The following GSTCD variants were observed in gnomAD, a reference collection of about 807,000 sequenced individuals.
GSTCD encodes glutathione S-transferase C-terminal domain containing, also known as glutathione S-transferase C-terminal domain-containing protein.
A neutral mutation model predicts 68.3 loss-of-function variants in GSTCD; 44 were observed. The ratio of observed to expected loss-of-function variants is 0.64; its 90% CI spans 0.51 to 0.83. The LOEUF (loss-of-function observed/expected upper bound fraction) is 0.83, where lower values mean the gene tolerates loss of function less well. Ranked by LOEUF, GSTCD falls within the 40% of genes least tolerant of loss-of-function variation. The pLI is 0.00. For synonymous variants in GSTCD, 273 were observed against 255.2 expected (o/e 1.07, Z -0.67); for missense variants, 739 against 735.9 (o/e 1.00, Z -0.05).
At chr4:105,804,992 C>T (rs1443859162) in intron 5 of GSTCD, among the ~76,000 whole-genome samples, 1 of 151,990 alleles carries the variant, frequency 6.6e-6, no homozygotes, top group Non-Finnish European at 1.5e-5. Flanking sequence ...TTTATGGCTG[C>T]ATAGTAAAAT....
At chr4:105,766,236 C>CA (rs1344607028) in intron 5 of GSTCD, among the ~76,000 whole-genome samples, 1 of 152,136 alleles carries the variant, frequency 6.6e-6, no homozygotes, top group Non-Finnish European at 1.5e-5. Flanking sequence ...GAGCTGAGGT[C>CA]ATGTGGCAAA....
intron 5 of GSTCD, among the ~76,000 whole-genome samples, chr4:105,793,760 A>C (rs931484980): frequency 1.3e-5 from 2 of 152,010 alleles, no homozygotes; most frequent in African/African-American, 4.8e-5. Flanking sequence ...CCAGTAAAAA[A>C]AATTAATGAA....
chr4:105,718,280 G>A (rs1205805244), intron 2 of GSTCD, among the ~76,000 whole-genome samples: 2 of 152,164 alleles, frequency 1.3e-5, no homozygotes, highest in South Asian at 2.1e-4. Context: ...TGTTTGGGTC[G>A]TGGGGGCAGA....
At chr4:105,775,240 T>C (rs1395798345) in intron 5 of GSTCD, among the ~76,000 whole-genome samples, 1 of 152,218 alleles carries the variant, frequency 6.6e-6, no homozygotes, top group Non-Finnish European at 1.5e-5. Flanking sequence ...GGTTATTCTA[T>C]TAGCAATTCC....
intron 9 of GSTCD, among the ~76,000 whole-genome samples, chr4:105,837,403 T>C (rs891896066): frequency 6.6e-5 from 10 of 152,178 alleles, no homozygotes; most frequent in Admixed American, 2.0e-4. Flanking sequence ...CACCTTTTTC[T>C]TCCCATGGAA....
intron 9 of GSTCD, among the ~76,000 whole-genome samples, chr4:105,836,637 G>T (rs1032092354): frequency 7.9e-5 from 12 of 152,254 alleles, no homozygotes; most frequent in African/African-American, 2.4e-4. Context: ...TGAGGCGGGG[G>T]TGGGGGCTGG....
intron 5 of GSTCD, among the ~76,000 whole-genome samples, chr4:105,760,175 A>G (rs1293562022): frequency 6.6e-6 from 1 of 151,808 alleles, no homozygotes; most frequent in Non-Finnish European, 1.5e-5. Flanking sequence ...GGCAAAAAAA[A>G]AAAAAAAAAA....
intron 5 of GSTCD, among the ~76,000 whole-genome samples, chr4:105,813,189 A>G (rs10516527): frequency 0.054 from 8,188 of 152,104 alleles, 251 homozygotes; most frequent in Middle Eastern, 0.14. Flanking sequence ...GAGCTGTTAC[A>G]AAAAAGGATT....
At chr4:105,826,545 G>T (rs1054279810) in intron 8 of GSTCD, among the ~76,000 whole-genome samples, 3 of 151,850 alleles carry the variant, frequency 2.0e-5, no homozygotes, top group African/African-American at 7.3e-5. Context: ...CTACTATCAA[G>T]TGATAAATAC....
chr4:105,761,973 C>T (rs954015402), intron 5 of GSTCD: 1 of 152,204 alleles, frequency 6.6e-6, no homozygotes, highest in African/African-American at 2.4e-5. Context: ...GGTCTCCCCA[C>T]CTCAACTCTC....
intron 5 of GSTCD, among the ~76,000 whole-genome samples, chr4:105,797,046 A>AGTG (rs1735916430): frequency 6.9e-6 from 1 of 145,518 alleles, no homozygotes; most frequent in African/African-American, 2.5e-5. Context: ...ACAGAGATAC[A>AGTG]TGTGTGTGTG....
At chr4:105,814,616 TAAATAAATAAAAATAA>T (rs1722897677) in intron 5 of GSTCD, among the ~76,000 whole-genome samples, 1 of 151,644 alleles carries the variant, frequency 6.6e-6, no homozygotes, top group Non-Finnish European at 1.5e-5. Context: ...TCAAAAAAAA[TAAATAAATAAAAATAA>T]AAATAAATTA....
At chr4:105,776,259 C>G (rs1333949625) in intron 5 of GSTCD, among the ~76,000 whole-genome samples, 1 of 152,206 alleles carries the variant, frequency 6.6e-6, no homozygotes, top group East Asian at 1.9e-4. Context: ...GTCAGTGGAT[C>G]TTAGCTTGCT....
intron 5 of GSTCD, among the ~76,000 whole-genome samples, chr4:105,740,005 A>T (rs1733581935): frequency 6.6e-6 from 1 of 152,134 alleles, no homozygotes; most frequent in African/African-American, 2.4e-5. Context: ...AGGTGGTCAC[A>T]GGTAGGCTTG....
At chr4:105,728,406 T>C (rs1249788941) in intron 4 of GSTCD, among the ~76,000 whole-genome samples, 1 of 152,126 alleles carries the variant, frequency 6.6e-6, no homozygotes, top group African/African-American at 2.4e-5. Flanking sequence ...CTGAAGAAGA[T>C]AGAAGAGAGG....
chr4:105,845,490 A>G lies in GSTCD; in HGVS notation c.1815A>G (p.Glu605=), dbSNP rs770382773. The G allele has an allele frequency of 9.3e-6, 15 of 1,614,056 alleles. 1 individual carries two copies. The South Asian group carries it at 1.6e-4, about 18-fold the overall frequency. The change falls in exon 12 of 12, where the codon GAA becomes GAG. Residue 605 remains glutamate, a synonymous_variant. Transcript: ENST00000515279. Reference sequence around the variant, plus strand: ...ATCTGGATCGAGCAAGAGCTGCAGAAGAATGTGGATACTCCGTTCAAGTGA... The same window carrying G: ...ATCTGGATCGAGCAAGAGCTGCAGAGGAATGTGGATACTCCGTTCAAGTGA... ...LVDLDRARAA[E]ECGYSVQVIS... is the part of the protein sequence containing the mutation.
At chr4:105,733,933 C>T (rs983051034) in intron 5 of GSTCD, among the ~76,000 whole-genome samples, 2 of 152,104 alleles carry the variant, frequency 1.3e-5, no homozygotes, top group Admixed American at 6.5e-5. Flanking sequence ...TTTTATTTCT[C>T]CTTCACTTAT....
chr4:105,735,926 A>G (rs1462175462), intron 5 of GSTCD, among the ~76,000 whole-genome samples: 1 of 152,200 alleles, frequency 6.6e-6, no homozygotes, highest in Non-Finnish European at 1.5e-5. Flanking sequence ...CAATGCCATT[A>G]TCATACCTAA....
At chr4:105,811,725 G>A (rs529754197) in intron 5 of GSTCD, among the ~76,000 whole-genome samples, 1 of 152,100 alleles carries the variant, frequency 6.6e-6, no homozygotes, top group South Asian at 2.1e-4. Context: ...AGCAGTGGGG[G>A]AACCAATGAA....
Sources: allele counts gnomAD v4.1 joint callset (sites outside exome capture counted in the v4.1 genomes callset), GRCh38; gene constraint gnomAD v4.1.1; transcripts MANE v1.5; gene names NCBI Gene and HGNC (gene_info 2026-07-23, HGNC 2026-07-21).